CEP170: variants seen among roughly 807,000 people sequenced by gnomAD.
CEP170 encodes centrosomal protein 170, also known as centrosomal protein of 170 kDa.
In CEP170, 21 loss-of-function variants were observed where a neutral mutation model predicts 151.9. That is an observed-to-expected ratio of 0.14 (90% confidence interval 0.10 to 0.20). The LOEUF is 0.20. Among genes scored for constraint, CEP170 ranks in the 10% least tolerant of loss-of-function variants. CEP170 has a pLI of 1.00. For synonymous variants in CEP170, 356 were observed against 648.8 expected, an observed-to-expected ratio of 0.55 and a Z score of 6.86; for missense variants, 964 against 1,892.9, an observed-to-expected ratio of 0.51 and a Z score of 9.11.
At chr1:243,163,058 C>G (rs1261881325) in intron 13 of CEP170, 1 of 152,052 alleles carries the variant, frequency 6.6e-6, no homozygotes, top group Non-Finnish European at 1.5e-5. Context: ...ACCATCATTA[C>G]CAAACCCACT....
At chr1:243,230,508 T>A (rs2063646890) in intron 1 of CEP170, among the ~76,000 whole-genome samples, 1 of 151,956 alleles carries the variant, frequency 6.6e-6, no homozygotes, top group African/African-American at 2.4e-5. Flanking sequence ...ACAAAAAAAT[T>A]AGCAAAACAG....
chr1:243,139,167 G>A (rs571056576), intron 16 of CEP170, among the ~76,000 whole-genome samples: 1 of 151,438 alleles, frequency 6.6e-6, no homozygotes, highest in South Asian at 2.1e-4. Context: ...AGTGGTGTGG[G>A]TTCAGCTCAC....
rs184564964 is a variant in CEP170, at chr1:243,180,733, C to A, written c.1566+5046G>T. On this transcript the variant is annotated intron_variant, in intron 10 of 19. Transcript: ENST00000366542. ...TGGAATATTTTTACAGGGTCCAGAT[C>A]CGCAGCACTGACTTTCTTGAGCTGT... Among the ~76,000 whole-genome samples, 185 of 152,316 alleles carry A rather than the reference C, an allele frequency of 1.2e-3. 3 individuals are homozygous for A. The South Asian group carries it at 0.033, about 27-fold the overall frequency.
chr1:243,189,119 A>G (rs2060115362), intron 8 of CEP170, among the ~76,000 whole-genome samples: 1 of 152,116 alleles, frequency 6.6e-6, no homozygotes, highest in Non-Finnish European at 1.5e-5. Flanking sequence ...TAATATGATT[A>G]CATAATTTCT....
At chr1:243,187,837 G>A (rs1201051582) in intron 8 of CEP170, among the ~76,000 whole-genome samples, 1 of 152,200 alleles carries the variant, frequency 6.6e-6, no homozygotes, top group East Asian at 1.9e-4. Context: ...CACAGAAAAG[G>A]GTCATGTCTT....
chr1:243,151,107 G>T (rs575567732), intron 14 of CEP170, among the ~76,000 whole-genome samples: 41 of 152,314 alleles, frequency 2.7e-4, no homozygotes, highest in African/African-American at 9.6e-4. Context: ...TACTCTTTAC[G>T]AATGACTACA....
chr1:243,233,744 ATAT>A (rs1558668020), intron 1 of CEP170, among the ~76,000 whole-genome samples: 13 of 131,028 alleles, frequency 9.9e-5, no homozygotes, highest in African/African-American at 3.5e-4. Flanking sequence ...AAAAAAAAAT[ATAT>A]ATATATATAT....
intron 1 of CEP170, among the ~76,000 whole-genome samples, chr1:243,250,394 T>C (rs566338291): frequency 4.6e-5 from 7 of 152,328 alleles, no homozygotes; most frequent in African/African-American, 1.7e-4. Flanking sequence ...TGAAATTTAA[T>C]AGGAGGCAAT....
chr1:243,153,251 A>G (rs1245699274), intron 14 of CEP170, among the ~76,000 whole-genome samples: 3 of 152,226 alleles, frequency 2.0e-5, no homozygotes, highest in Non-Finnish European at 4.4e-5. Flanking sequence ...GGTATCTTGC[A>G]ATAGAATCTA....
Position 243,186,038 on chromosome 1 carries a change from A to G in CEP170, c.1307T>C (p.Val436Ala). The G allele has an allele frequency of 6.2e-7, 1 of 1,613,724 alleles. No homozygotes were observed. Among genetic ancestry groups the G allele is most frequent in the Non-Finnish European group, 8.5e-7 (1 of 1,179,690 alleles). Residue 436 changes from valine to alanine, a missense_variant, in exon 10 of 20, where the codon GTT becomes GCT. Val to Ala is a moderately conservative substitution (Grantham distance 64, BLOSUM62 0). Coordinates refer to ENST00000366542, the MANE Select transcript of CEP170 (RefSeq NM_014812.3). Reference protein sequence around the residue: ...SSAHHRGGHGVPHGKLLKQKS... With the variant: ...SSAHHRGGHGAPHGKLLKQKS... ...CTGTTTTAACAATTTCCCATGTGGA[A>G]CACCATGCCCCCCTCTGTGATGCGC...
intron 1 of CEP170, among the ~76,000 whole-genome samples, chr1:243,226,058 G>C (rs908690751): frequency 9.1e-6 from 1 of 109,898 alleles, no homozygotes. Context: ...TATATATCTA[G>C]ATATATATAT....
intron 10 of CEP170, among the ~76,000 whole-genome samples, chr1:243,184,176 A>T (rs1428964282): frequency 6.6e-6 from 1 of 152,012 alleles, no homozygotes; most frequent in African/African-American, 2.4e-5. Flanking sequence ...TAAGCCTTTT[A>T]CATGTTTTAT....
At chr1:243,213,120 T>C (rs571016889) in intron 3 of CEP170, among the ~76,000 whole-genome samples, 1 of 152,290 alleles carries the variant, frequency 6.6e-6, no homozygotes, top group South Asian at 2.1e-4. Flanking sequence ...CTTTTTTTTT[T>C]CTTTTTTTGG....
chr1:243,148,410 A>G (rs966641709), intron 14 of CEP170, among the ~76,000 whole-genome samples: 10 of 150,752 alleles, frequency 6.6e-5, no homozygotes, highest in Admixed American at 2.7e-4. Context: ...ATCTCTACTA[A>G]AAATACAAAA....
chr1:243,182,955 T>C (rs1054571718), intron 10 of CEP170, among the ~76,000 whole-genome samples: 2 of 151,844 alleles, frequency 1.3e-5, no homozygotes, highest in South Asian at 2.1e-4. Context: ...ATGAAACAAG[T>C]TGATGACAGT....
Position 243,232,054 on chromosome 1 carries a change from C to T in CEP170, c.-41-6733G>A, listed in dbSNP as rs577362919. On this transcript the variant is annotated intron_variant, in intron 1 of 19. Transcript: ENST00000366542. ...TCTCAGCACACTGCAACCTCCACCT[C>T]CCAAGCTCAAGCTCCAGGCTCCCAC... is the stretch of plus-strand genomic sequence containing the variant. Among the ~76,000 whole-genome samples the T allele has an allele frequency of 6.6e-5, 10 of 152,244 alleles. No individual in the cohort carries two copies. In the East Asian group the frequency reaches 1.9e-3, roughly 29 times the overall value.
chr1:243,250,451 G>A (rs1162944298), intron 1 of CEP170, among the ~76,000 whole-genome samples: 1 of 152,176 alleles, frequency 6.6e-6, no homozygotes, highest in Non-Finnish European at 1.5e-5. Context: ...TATACACAAT[G>A]GGAGAAATCT....
intron 1 of CEP170, among the ~76,000 whole-genome samples, chr1:243,230,484 A>G (rs1204434606): frequency 6.6e-6 from 1 of 152,230 alleles, no homozygotes; most frequent in Non-Finnish European, 1.5e-5. Context: ...TGAATGAGCT[A>G]AAGAAAACCA....
Position 243,125,009 on chromosome 1 carries a change from G to A in CEP170, c.*1440C>T, listed in dbSNP as rs2053596708. ...GATTTAAAAAATCCTGTAAAGTCTT[G>A]AAGTGTATAGAGTTACTTTGTTTCT... On this transcript the variant is annotated 3_prime_UTR_variant, in exon 20 of 20. Transcript: ENST00000366542. 1.3e-5 allele frequency: 2 copies of A among 151,686 alleles called. No homozygotes were observed. The highest frequency in any genetic ancestry group is 6.6e-5 in the Admixed American group (1 of 15,236). 9.4% of individuals were successfully genotyped at this position (151,686 alleles called of 1,614,324 possible).
Sources: gnomAD v4.1 joint callset for allele counts (sites outside exome capture counted in the v4.1 genomes callset) on GRCh38, gnomAD v4.1.1 for gene constraint, MANE v1.5 for transcripts, NCBI Gene and HGNC (gene_info 2026-07-23, HGNC 2026-07-21) for gene names.